RBBP6: variants seen among roughly 807,000 people sequenced by gnomAD.
RBBP6 encodes the protein RB binding protein 6, ubiquitin ligase.
RBBP6 carries 25 observed loss-of-function variants against 167.7 expected under a neutral mutation model. That is an observed-to-expected ratio of 0.15 (90% CI 0.11 to 0.21). The LOEUF (loss-of-function observed/expected upper bound fraction) is 0.21, where lower values mean the gene tolerates loss of function less well. Among genes scored for constraint, RBBP6 ranks in the 10% least tolerant of loss-of-function variants. The pLI is 1.00. For synonymous variants in RBBP6, 789 were observed against 735.8 expected (o/e 1.07, Z -1.17); for missense variants, 1,868 against 2,134.2 (o/e 0.88, Z 2.46).
rs1416612189 is a variant in RBBP6 at position 24,570,136 on chromosome 16, G to A, written c.3446G>A (p.Arg1149Lys). The A allele has an allele frequency of 6.3e-7, 1 of 1,586,592 alleles. No homozygotes were observed. The highest frequency in any genetic ancestry group is 2.0e-5 in the Admixed American group (1 of 51,076). The stretch of plus-strand genomic sequence containing the variant: ...GATAATAAGGGAGAAAAAAGAAAAA[G>A]AAAAACTGAAGAAAAAGGCGTAGAT... The part of the protein sequence containing the change: ...PLDNKGEKRK[R>K]KTEEKGVDKD... The change falls in exon 17 of 18, where the codon AGA (arginine) becomes AAA (lysine). Residue 1149 changes from arginine to lysine, a missense_variant. By Grantham distance (26) the Arg-to-Lys change is conservative (BLOSUM62 2). This residue lies in a region of RBBP6 where 673 missense variants were observed against 691.5 expected (regional missense o/e 0.97). Transcript: ENST00000319715.
chr16:24,570,026 G>A lies in RBBP6; in HGVS notation c.3336G>A (p.Lys1112=). The A allele has an allele frequency of 1.2e-6, 2 of 1,605,270 alleles. No individual in the cohort carries two copies. Among genetic ancestry groups the A allele is most frequent in the Non-Finnish European group, 1.7e-6 (2 of 1,178,048 alleles). Residue 1112 remains lysine (K), a synonymous_variant, in exon 17 of 18, where the codon AAG becomes AAA. Coordinates refer to ENST00000319715, the MANE Select transcript of RBBP6 (RefSeq NM_006910.5). ...CAGTCAAAGAGGAAAAAGTGAAGAA[G>A]GACTATTCCAAAGATGTCAAATCAG... ...TKPVKEEKVK[K]DYSKDVKSEK... is the part of the protein sequence containing the mutation.
chr16:24,540,535 G>T lies in RBBP6; in HGVS notation c.-92G>T. The T allele has an allele frequency of 7.6e-7, 1 of 1,312,316 alleles. No homozygotes were observed. Among genetic ancestry groups the T allele is most frequent in the Non-Finnish European group, 1.1e-6 (1 of 950,044 alleles). 81.3% of individuals were successfully genotyped at this position (1,312,316 alleles called of 1,614,324 possible). ...GTCCTTCGGTGTCTTTGAGTGTTTT[G>T]TGTGTACATATTTTGCTCTTAAAGT... On this transcript the variant is annotated 5_prime_UTR_variant, in exon 1 of 18. Transcript: ENST00000319715.
In RBBP6 at chr16:24,569,527, A is replaced by G; in HGVS notation, c.2837A>G (p.Glu946Gly). 6.2e-7 allele frequency: 1 copy of G among 1,611,054 alleles called. No individual in the cohort carries two copies. The highest frequency in any genetic ancestry group is 8.5e-7 in the Non-Finnish European group (1 of 1,179,278). Residue 946 changes from glutamate to glycine, a missense_variant, in exon 17 of 18, where the codon GAG becomes GGG. Coordinates refer to ENST00000319715, the MANE Select transcript of RBBP6 (RefSeq NM_006910.5). ...AAAAGAAGAAAAGGGGAGGAAAGTG[A>G]GGGTTTTCTGAACCCAGAGTTATTA... is the stretch of plus-strand genomic sequence containing the variant. ...HRKRRKGEES[E>G]GFLNPELLET...
intron 4 of RBBP6, chr16:24,554,614 T>C (rs1898871486): frequency 6.6e-6 from 1 of 152,116 alleles, no homozygotes; most frequent in African/African-American, 2.4e-5. Context: ...TATAATTTTC[T>C]AATGCAAAGT....
At chr16:24,559,060 T>A (rs7200560) in intron 7 of RBBP6, among the ~76,000 whole-genome samples, 56,199 of 151,930 alleles carry the variant, frequency 0.37, 10,553 homozygotes, top group Admixed American at 0.45. Flanking sequence ...GACTTTTGGG[T>A]TATGGAGAAG....
At chr16:24,556,245 AT>A (rs1231154235) in intron 6 of RBBP6, 62 bp from the exon 7 acceptor site, 144 of 1,345,004 alleles carry the variant, frequency 1.1e-4, no homozygotes, top group Non-Finnish European at 1.5e-4. Context: ...ACATTAGCTA[AT>A]TTATTAAATA....
In RBBP6 at chr16:24,571,380, A is replaced by G. The variant is rs1899326776; in HGVS notation, c.4314A>G (p.Gly1438=). The change falls in exon 18 of 18, where the codon GGA becomes GGG. Residue 1438 remains glycine, a synonymous_variant. Coordinates refer to ENST00000319715, the MANE Select transcript of RBBP6 (RefSeq NM_006910.5). ...ESNLDRLNEQ[G]NFKSLSQSSK... ...ATTTGGACCGTCTGAATGAACAAGGAAATTTTAAAAGTCTGTCTCAATCTT... is the reference window on the plus strand; with the variant it reads ...ATTTGGACCGTCTGAATGAACAAGGGAATTTTAAAAGTCTGTCTCAATCTT... 21 of 1,614,050 alleles carry G rather than the reference A, an allele frequency of 1.3e-5. No homozygotes were observed. Among genetic ancestry groups the G allele is most frequent in the Non-Finnish European group, 1.8e-5 (21 of 1,180,008 alleles).
At position 24,571,652 on chromosome 16, in the gene RBBP6, C is replaced by G. The variant is rs1368305877; in HGVS notation, c.4586C>G (p.Ser1529Cys). 1 of 1,613,030 alleles carries G rather than the reference C, an allele frequency of 6.2e-7. No homozygotes were observed. Residue 1529 changes from serine to cysteine, a missense_variant, in exon 18 of 18, where the codon TCC becomes TGC. Transcript: ENST00000319715. ...RDLPKKGTGD[S>C]KKSNSSPSRD... The stretch of plus-strand genomic sequence containing the variant: ...TTGCCTAAAAAAGGAACAGGAGATT[C>G]CAAAAAAAGTAATTCTAGTCCCTCA...
At chr16:24,568,126 A>G (rs918608498) in intron 16 of RBBP6, among the ~76,000 whole-genome samples, 1 of 152,220 alleles carries the variant, frequency 6.6e-6, no homozygotes, top group Non-Finnish European at 1.5e-5. Flanking sequence ...TTGTCCCTTA[A>G]AGTTATTCAT....
chr16:24,541,192 ACAAAAAAAAAACC>A (rs1304488069), intron 1 of RBBP6, among the ~76,000 whole-genome samples: 10 of 131,932 alleles, frequency 7.6e-5, no homozygotes, highest in South Asian at 2.5e-4. Context: ...AAAAAAAAAA[ACAAAAAAAAAACC>A]AAAAAAACAA....
At chr16:24,542,536 G>T (rs1898529558) in intron 1 of RBBP6, among the ~76,000 whole-genome samples, 1 of 151,174 alleles carries the variant, frequency 6.6e-6, no homozygotes, top group South Asian at 2.1e-4. Flanking sequence ...TTAGCTCACT[G>T]CAACCTCCGC....
intron 8 of RBBP6, among the ~76,000 whole-genome samples, chr16:24,560,834 G>T (rs1164541644): frequency 1.3e-5 from 2 of 152,292 alleles, no homozygotes; most frequent in East Asian, 3.9e-4. Context: ...TGCCTTTGGG[G>T]CAGTTGAGTG....
intron 14 of RBBP6, 95 bp downstream of exon 14, chr16:24,564,960 G>A: frequency 6.7e-7 from 1 of 1,493,722 alleles, no homozygotes; most frequent in Non-Finnish European, 8.9e-7. Flanking sequence ...AGGAAGGAAG[G>A]GGGTCATTTG....
rs779985842 is a variant in RBBP6, at chr16:24,567,156, G to A, written c.1603G>A (p.Gly535Arg). ...ERSCYRSINRGRHHSERSQRT... is the reference protein window; with the variant it reads ...ERSCYRSINRRRHHSERSQRT... ...TTATTTTTCCAGAAGTATAAACCGTGGGCGACACCACAGCGAAAGATCACA... is the reference window on the plus strand; with the variant it reads ...TTATTTTTCCAGAAGTATAAACCGTAGGCGACACCACAGCGAAAGATCACA... Residue 535 changes from glycine (G) to arginine (R), a missense_variant, in exon 15 of 18, where the codon GGG becomes AGG. Gly to Arg is a moderately radical substitution (Grantham distance 125, BLOSUM62 -2). Transcript: ENST00000319715. 2 of 1,612,858 alleles carry A rather than the reference G, an allele frequency of 1.2e-6. No individual in the cohort carries two copies. The highest frequency in any genetic ancestry group is 1.7e-6 in the Non-Finnish European group (2 of 1,179,110).
chr16:24,566,971 T>G (rs1263823332), intron 14 of RBBP6, among the ~76,000 whole-genome samples, 172 bp from the exon 15 acceptor site: 2 of 152,214 alleles, frequency 1.3e-5, no homozygotes, highest in Admixed American at 1.3e-4. Flanking sequence ...AAAAATTATG[T>G]TGTAGAGTTA....
intron 10 of RBBP6, among the ~76,000 whole-genome samples, chr16:24,562,462 C>G (rs1377022351): frequency 1.3e-5 from 2 of 152,070 alleles, no homozygotes; most frequent in Admixed American, 1.3e-4. Flanking sequence ...GGAGAATTCA[C>G]TTGTGATCAT....
chr16:24,567,570 T>G (rs1899225683), intron 15 of RBBP6, 65 bp downstream of exon 15: 1 of 1,497,556 alleles, frequency 6.7e-7, no homozygotes, highest in Non-Finnish European at 9.0e-7. Flanking sequence ...ATTAAATAGG[T>G]GTCTGGAAAC....
Position 24,568,891 on chromosome 16 carries a change from C to G in RBBP6, c.2201C>G (p.Pro734Arg), listed in dbSNP as rs370848322. Residue 734 changes from proline (P) to arginine (R), a missense_variant, in exon 17 of 18, where the codon CCC becomes CGC. Transcript: ENST00000319715. ...TCCTATTCACGGTCACCTCCATACC[C>G]CAGAAGAGGCAGAGGCAAGAGCCGC... ...SRSYSRSPPY[P>R]RRGRGKSRNY... The G allele has an allele frequency of 6.2e-7, 1 of 1,614,100 alleles. No individual in the cohort carries two copies. The highest frequency in any genetic ancestry group is 8.5e-7 in the Non-Finnish European group (1 of 1,180,028).
intron 14 of RBBP6, among the ~76,000 whole-genome samples, chr16:24,565,079 A>C (rs1441482049): frequency 6.6e-6 from 1 of 152,194 alleles, no homozygotes; most frequent in Non-Finnish European, 1.5e-5. Context: ...AGACATTTTT[A>C]ATATTCCTTC....
Sources: allele counts gnomAD v4.1 joint callset (sites outside exome capture counted in the v4.1 genomes callset), GRCh38; gene constraint gnomAD v4.1.1; regional missense constraint gnomAD v4.1.1; transcripts MANE v1.5; gene names NCBI Gene and HGNC (gene_info 2026-07-23, HGNC 2026-07-21).